The following GGN variants were observed in gnomAD, a reference collection of about 807,000 sequenced individuals.
The protein encoded by GGN is gametogenetin.
Under a neutral mutation model 35.5 loss-of-function variants are expected in GGN, and 27 were observed. The ratio of observed to expected loss-of-function variants is 0.76; its 90% confidence interval spans 0.56 to 1.05. The LOEUF (loss-of-function observed/expected upper bound fraction) is 1.05. Among genes scored for constraint, GGN ranks in the 50% least tolerant of loss-of-function variants. The pLI is 0.00. For synonymous variants in GGN, 425 were observed against 444.1 expected (o/e 0.96, Z 0.54); for missense variants, 1,006 against 940.7 (o/e 1.07, Z -0.91).
chr19:38,387,305 C>A lies in GGN; in HGVS notation c.-19-25G>T. 1 of 1,527,324 alleles carries A rather than the reference C, an allele frequency of 6.5e-7. No individual in the cohort carries two copies. The highest frequency in any genetic ancestry group is 1.2e-5 in the South Asian group (1 of 82,002). 94.6% of individuals were successfully genotyped at this position (1,527,324 alleles called of 1,614,324 possible). On this transcript the variant is annotated intron_variant, in intron 2 of 3. Transcript: ENST00000334928. The surrounding 1 kb of genome is among the most constrained non-coding windows in gnomAD (Gnocchi z 5.3). ...ACTAGTCAGAAAAATTTACTCCAGT[C>A]AGCCTGCCAGGGCCGTGGGGACCCT...
chr19:38,385,393 C>T (rs1195466847), intron 3 of GGN, 28 bp downstream of exon 3: 1 of 1,612,458 alleles, frequency 6.2e-7, no homozygotes, highest in Non-Finnish European at 8.5e-7. Context: ...TGGGGTTCGG[C>T]ACCCTCCTGT....
Position 38,386,196 on chromosome 19 carries a change from C to G in GGN, c.1066G>C (p.Ala356Pro). The change falls in exon 3 of 4, where the codon GCT becomes CCT. Residue 356 changes from alanine (A) to proline (P), a missense_variant. By Grantham distance (27) the Ala-to-Pro change is conservative (BLOSUM62 -1). Coordinates refer to ENST00000334928, the MANE Select transcript of GGN (RefSeq NM_152657.4). ...GSKPKFDWVS[A>P]PDGPERHFRF... ...AAGTGGCGTTCAGGGCCGTCGGGAG[C>G]GCTAACCCAGTCGAATTTGGGCTTC... 6.2e-7 allele frequency: 1 copy of G among 1,603,000 alleles called. No individual in the cohort carries two copies. Among genetic ancestry groups the G allele is most frequent in the Non-Finnish European group, 8.5e-7 (1 of 1,178,588 alleles).
chr19:38,385,885 C>T lies in GGN; in HGVS notation c.1377G>A (p.Leu459=). The stretch of plus-strand genomic sequence containing the variant: ...CCGGGGTGAGCGGGGGAGCCACCGG[C>T]AGCGGCGTTGGCTGGAGCGCTGGTG... The part of the protein sequence containing the change: ...LQPPALQPTP[L]PVAPPLTPGL... The change falls in exon 3 of 4, where the codon CTG becomes CTA. Residue 459 remains leucine, a synonymous_variant. Coordinates refer to ENST00000334928, the MANE Select transcript of GGN (RefSeq NM_152657.4). 6.4e-7 allele frequency: 1 copy of T among 1,551,846 alleles called. No individual in the cohort carries two copies.
chr19:38,384,604 C>G, intron 3 of GGN, 75 bp from the exon 4 acceptor site: 1 of 1,088,296 alleles, frequency 9.2e-7, no homozygotes, highest in Non-Finnish European at 1.4e-6. Flanking sequence ...CCTCCCTGTC[C>G]CCATATGAAT....
rs756822630 is a variant in GGN at position 38,387,245 on chromosome 19, G to A, written c.17C>T (p.Ser6Leu). 5.6e-6 allele frequency: 9 copies of A among 1,595,382 alleles called. No individual in the cohort carries two copies. Among genetic ancestry groups the A allele is most frequent in the African/African-American group, 5.4e-5 (4 of 74,444 alleles). ...GGAGCCCCCGCCCGCGGATGGCTCC[G>A]ACTGCAAGTTCCCCATTTCTGACGG... is the stretch of plus-strand genomic sequence containing the variant. The part of the protein sequence containing the change: MGNLQ[S>L]EPSAGGGSRK... Residue 6 changes from serine (S) to leucine (L), a missense_variant, in exon 3 of 4, where the codon TCG (serine) becomes TTG (leucine). Coordinates refer to ENST00000334928, the MANE Select transcript of GGN (RefSeq NM_152657.4). This position sits in a 1 kb window ranked among gnomAD's most constrained non-coding sequence, Gnocchi z 5.3.
chr19:38,386,445 C>T lies in GGN; in HGVS notation c.817G>A (p.Gly273Ser). 6.2e-7 allele frequency: 1 copy of T among 1,612,850 alleles called. No individual in the cohort carries two copies. The highest frequency in any genetic ancestry group is 1.1e-5 in the South Asian group (1 of 91,088). Residue 273 changes from glycine (G) to serine (S), a missense_variant, in exon 3 of 4, where the codon GGC becomes AGC. Physicochemically the swap from Gly to Ser is moderately conservative, Grantham distance 56. Coordinates refer to ENST00000334928, the MANE Select transcript of GGN (RefSeq NM_152657.4). ...CCTGAGGCAGCAAAGAGGCCGCCGC[C>T]TCCGCCGCCCCCCAGCGAAGCTTTG... ...AAKASLGGGGGGGLFAASGAI... is the reference protein window; with the variant it reads ...AAKASLGGGGSGGLFAASGAI...
chr19:38,387,367 C>G lies in GGN; in HGVS notation c.-19-87G>C. On this transcript the variant is annotated intron_variant, in intron 2 of 3. Transcript: ENST00000334928. The surrounding 1 kb of genome is among the most constrained non-coding windows in gnomAD (Gnocchi z 5.3). Reference sequence around the variant, plus strand: ...TGTACTTGATCTAATGCGTCCGCACCGGCCCCGCCCCTGTTCTCCAAGATC... The same window carrying G: ...TGTACTTGATCTAATGCGTCCGCACGGGCCCCGCCCCTGTTCTCCAAGATC... 1 of 1,441,870 alleles carries G rather than the reference C, an allele frequency of 6.9e-7. No individual in the cohort carries two copies. Among genetic ancestry groups the G allele is most frequent in the Non-Finnish European group, 9.1e-7 (1 of 1,100,436 alleles). 89.3% of individuals were successfully genotyped at this position (1,441,870 alleles called of 1,614,324 possible).
rs1171749186 is a variant in GGN, at chr19:38,386,882, T to A, written c.380A>T (p.Glu127Val). The A allele has an allele frequency of 6.3e-7, 1 of 1,578,242 alleles. No individual in the cohort carries two copies. The highest frequency in any genetic ancestry group is 1.8e-5 in the Admixed American group (1 of 54,228). The change falls in exon 3 of 4, where the codon GAG becomes GTG. Residue 127 changes from glutamate to valine, a missense_variant. By Grantham distance (121) the Glu-to-Val change is moderately radical. Transcript: ENST00000334928. ...GTCGCCCTGGCCGCGATGGCTCGCC[T>A]CCAGCAGGCGGCGGATCCGGGGAAC... ...TPVPRIRRLL[E>V]ASHRGQGDPP...
Position 38,385,431 on chromosome 19 carries a change from C to T in GGN, c.1831G>A (p.Val611Ile). 1 of 1,613,996 alleles carries T rather than the reference C, an allele frequency of 6.2e-7. No homozygotes were observed. Among genetic ancestry groups the T allele is most frequent in the Non-Finnish European group, 8.5e-7 (1 of 1,179,968 alleles). ...CTTCTCCCCTCTCACCAGGCAGAGA[C>T]GTTGCGTGGCAGGCGGCGATGGCGT... is the stretch of plus-strand genomic sequence containing the variant. ...QPRHRRLPRN[V>I]SAWLSTSTNH... The change falls in exon 3 of 4, where the codon GTC becomes ATC. Residue 611 changes from valine to isoleucine, a missense_variant. Val to Ile is a conservative substitution (Grantham distance 29). Coordinates refer to ENST00000334928, the MANE Select transcript of GGN (RefSeq NM_152657.4).
At position 38,387,730 on chromosome 19, in the gene GGN, G is replaced by GC. The variant is rs1251049955; in HGVS notation, c.-20+30dup. 6.2e-6 allele frequency: 1 copy of GC among 162,040 alleles called. No individual in the cohort carries two copies. Among genetic ancestry groups the GC allele is most frequent in the Non-Finnish European group, 1.4e-5 (1 of 73,558 alleles). The allele number at this position is 162,040 out of a possible 1,614,324, so 10.0% of individuals were successfully genotyped here. On this transcript the variant is annotated intron_variant, in intron 2 of 3. Coordinates refer to ENST00000334928, the MANE Select transcript of GGN (RefSeq NM_152657.4). This position sits in a 1 kb window ranked among gnomAD's most constrained non-coding sequence, Gnocchi z 5.3. ...ACCCCTGTCCCCAAGCTCCGCCCTG[G>GC]CCCCGCCTCCCCCCAGAGGAACCCA...
chr19:38,388,328 T>A, upstream of GGN: 1 of 391,830 alleles, frequency 2.6e-6, no homozygotes, highest in Non-Finnish European at 4.5e-6. Flanking sequence ...CATCCAAACC[T>A]CCTTATACCC....
In GGN at chr19:38,384,369, A is replaced by G. The variant is rs757352062; in HGVS notation, c.*43T>C. 7.1e-7 allele frequency: 1 copy of G among 1,406,680 alleles called. No individual in the cohort carries two copies. The highest frequency in any genetic ancestry group is 1.4e-5 in the African/African-American group (1 of 70,812). 87.1% of individuals were successfully genotyped at this position (1,406,680 alleles called of 1,614,324 possible). On this transcript the variant is annotated 3_prime_UTR_variant, in exon 4 of 4. Coordinates refer to ENST00000334928, the MANE Select transcript of GGN (RefSeq NM_152657.4). ...TGCTGGCATCTGGATTGGTTATTTTATTGGCATGGAGGGGAAGGTGGAGGG... is the reference window on the plus strand; with the variant it reads ...TGCTGGCATCTGGATTGGTTATTTTGTTGGCATGGAGGGGAAGGTGGAGGG...
In GGN at chr19:38,387,335, G is replaced by A. The variant is rs916872410; in HGVS notation, c.-19-55C>T. 6.7e-7 allele frequency: 1 copy of A among 1,487,676 alleles called. No individual in the cohort carries two copies. The highest frequency in any genetic ancestry group is 8.9e-7 in the Non-Finnish European group (1 of 1,121,100). The allele number at this position is 1,487,676 out of a possible 1,614,324, so 92.2% of individuals were successfully genotyped here. ...TGCCAGGGCCGTGGGGACCCTACGA[G>A]GCTGGCTGTACTTGATCTAATGCGT... On this transcript the variant is annotated intron_variant, in intron 2 of 3. Transcript: ENST00000334928. The surrounding 1 kb of genome is among the most constrained non-coding windows in gnomAD (Gnocchi z 5.3).
Position 38,386,132 on chromosome 19 carries a change from C to G in GGN, c.1130G>C (p.Arg377Pro), listed in dbSNP as rs756031955. The G allele has an allele frequency of 6.3e-7, 1 of 1,580,054 alleles. No individual in the cohort carries two copies. The highest frequency in any genetic ancestry group is 2.3e-5 in the East Asian group (1 of 43,456). ...NGAGGGIGAPRRRAAALSGPW... is the reference protein window; with the variant it reads ...NGAGGGIGAPPRRAAALSGPW... Reference sequence around the variant, plus strand: ...CCCAGAGAGTGCGGCCGCACGCCGTCGCGGCGCCCCGATGCCTCCGCCAGC... The same window carrying G: ...CCCAGAGAGTGCGGCCGCACGCCGTGGCGGCGCCCCGATGCCTCCGCCAGC... The change falls in exon 3 of 4, where the codon CGA becomes CCA. Residue 377 changes from arginine to proline, a missense_variant. Coordinates refer to ENST00000334928, the MANE Select transcript of GGN (RefSeq NM_152657.4).
chr19:38,385,474 A>G lies in GGN; in HGVS notation c.1788T>C (p.Cys596=). The change falls in exon 3 of 4, where the codon TGT becomes TGC. Residue 596 remains cysteine (C), a synonymous_variant. Coordinates refer to ENST00000334928, the MANE Select transcript of GGN (RefSeq NM_152657.4). ...GATGGCGTGGCTGGTGGTGGCAGTA[A>G]CACTTGCAGGGACAGGAGTTAAGCA... is the stretch of plus-strand genomic sequence containing the variant. The part of the protein sequence containing the change: ...FQVLNSCPCK[C]YCHHQPRHRR... 1 of 1,614,050 alleles carries G rather than the reference A, an allele frequency of 6.2e-7. No homozygotes were observed. Among genetic ancestry groups the G allele is most frequent in the Non-Finnish European group, 8.5e-7 (1 of 1,179,978 alleles).
chr19:38,385,975 CGG>C lies in GGN; in HGVS notation c.1285_1286del (p.Pro429GlyfsTer77). ...PAPTNGEPMR[P>X]GPPGLQELPP... The stretch of plus-strand genomic sequence containing the variant: ...GTAACTCCTGCAGGCCTGGAGGCCC[CGG>C]GCGCATGGGCTCGCCATTGGTGGGT... On this transcript the variant is annotated frameshift_variant, in exon 3 of 4. Transcript: ENST00000334928. LOFTEE classifies it high-confidence loss of function. The C allele has an allele frequency of 1.2e-6, 2 of 1,604,936 alleles. No individual in the cohort carries two copies. The highest frequency in any genetic ancestry group is 1.7e-6 in the Non-Finnish European group (2 of 1,176,018).
intron 3 of GGN, 56 bp from the exon 4 acceptor site, chr19:38,384,585 C>T (rs951748024): frequency 7.3e-6 from 9 of 1,232,948 alleles, no homozygotes; most frequent in South Asian, 1.2e-5. Context: ...GCCTCTAGCC[C>T]TTCTAGGGCC....
chr19:38,388,326 C>T, upstream of GGN: 1 of 394,260 alleles, frequency 2.5e-6, no homozygotes, highest in Non-Finnish European at 4.5e-6. Context: ...AGCATCCAAA[C>T]CTCCTTATAC....
At position 38,386,386 on chromosome 19, in the gene GGN, C is replaced by A; in HGVS notation, c.876G>T (p.Gly292=). 1.2e-6 allele frequency: 2 copies of A among 1,612,928 alleles called. No homozygotes were observed. Among genetic ancestry groups the A allele is most frequent in the Non-Finnish European group, 8.5e-7 (1 of 1,179,882 alleles). The change falls in exon 3 of 4, where the codon GGG becomes GGT. Residue 292 remains glycine (G), a synonymous_variant. Coordinates refer to ENST00000334928, the MANE Select transcript of GGN (RefSeq NM_152657.4). ...AISYAEVLKQ[G]PLPPGAARPL... is the part of the protein sequence containing the mutation. ...GGCGAGCGGCTCCAGGAGGCAGGGG[C>A]CCTTGCTTCAGGACCTCGGCGTAAG...
Sources: allele counts gnomAD v4.1 joint callset, GRCh38; gene constraint gnomAD v4.1.1; non-coding constraint Gnocchi (gnomAD v3.1); transcripts MANE v1.5; gene names NCBI Gene and HGNC (gene_info 2026-07-23, HGNC 2026-07-21).